Variants in FER observed in about 807,000 individuals in gnomAD.
The protein encoded by FER is FER tyrosine kinase.
Under a neutral mutation model 111.0 loss-of-function variants are expected in FER, and 63 were observed. That is an observed-to-expected ratio of 0.57 (90% CI 0.46 to 0.70). The LOEUF (loss-of-function observed/expected upper bound fraction) is 0.70, where lower values mean the gene tolerates loss of function less well. Among genes scored for constraint, FER ranks in the 30% least tolerant of loss-of-function variants. The pLI is 0.00. For missense variants in FER, 914 were observed against 954.0 expected (o/e 0.96, Z 0.55); for synonymous variants, 327 against 313.9 (o/e 1.04, Z -0.44).
At chr5:109,063,160 A>G (rs1774646378) in intron 16 of FER, among the ~76,000 whole-genome samples, 1 of 152,176 alleles carries the variant, frequency 6.6e-6, no homozygotes, top group African/African-American at 2.4e-5. Context: ...AATTGTCAAA[A>G]TTCGTTTTCT....
intron 3 of FER, among the ~76,000 whole-genome samples, chr5:108,810,281 C>T (rs1757618966): frequency 6.6e-6 from 1 of 152,112 alleles, no homozygotes; most frequent in African/African-American, 2.4e-5. Flanking sequence ...GTGGCTGTGG[C>T]TAACACAGCT....
rs542922936 is a variant in FER, at chr5:108,971,307, A to G, written c.1656+11960A>G. ...AAAAAAAAAAAAAAACCCAGAAAGA[A>G]AGAAAGAAATTCTCAGTACTGGAGA... On this transcript the variant is annotated intron_variant, in intron 13 of 19. Transcript: ENST00000281092. 7.9e-5 allele frequency among the ~76,000 whole-genome samples: 12 copies of G among 151,102 alleles called. No individual in the cohort carries two copies. The South Asian group carries it at 2.5e-3, about 31-fold the overall frequency.
chr5:108,894,358 G>A, intron 9 of FER: 1 of 991,746 alleles, frequency 1.0e-6, no homozygotes, highest in Non-Finnish European at 1.3e-6. Flanking sequence ...TGTTTCTGCT[G>A]CAAGGGTTCC....
intron 5 of FER, among the ~76,000 whole-genome samples, chr5:108,856,354 A>AT (rs1763009194): frequency 6.6e-6 from 1 of 151,954 alleles, no homozygotes; most frequent in African/African-American, 2.4e-5. Context: ...CTCATTATTC[A>AT]TTTTTTTCCT....
At chr5:109,134,370 TTATC>T (rs1395464981) in intron 17 of FER, among the ~76,000 whole-genome samples, 1 of 152,156 alleles carries the variant, frequency 6.6e-6, no homozygotes, top group Non-Finnish European at 1.5e-5. Context: ...TTTACAGTAT[TTATC>T]AAAATTAAAA....
chr5:108,799,831 G>GTTTTC (rs936931331), intron 3 of FER, among the ~76,000 whole-genome samples: 1 of 146,198 alleles, frequency 6.8e-6, no homozygotes, highest in African/African-American at 2.5e-5. Flanking sequence ...TATCCCTCTT[G>GTTTTC]TTTTCTTTTC....
At chr5:108,916,605 A>C (rs191026127) in intron 10 of FER, among the ~76,000 whole-genome samples, 1 of 152,124 alleles carries the variant, frequency 6.6e-6, no homozygotes, top group Non-Finnish European at 1.5e-5. Flanking sequence ...TCACAGTATT[A>C]TATAATTATT....
intron 2 of FER, among the ~76,000 whole-genome samples, chr5:108,796,665 A>G (rs899849077): frequency 1.3e-5 from 2 of 152,048 alleles, no homozygotes; most frequent in African/African-American, 2.4e-5. Context: ...CCGTAGGCCC[A>G]CAGGAAGTAC....
chr5:108,895,435 C>A (rs897897393), intron 9 of FER, among the ~76,000 whole-genome samples: 13 of 152,122 alleles, frequency 8.5e-5, no homozygotes, highest in Non-Finnish European at 1.3e-4. Context: ...TATGGTATTC[C>A]TAGGGCTAGT....
At chr5:108,821,424 G>A (rs1265056809) in intron 3 of FER, among the ~76,000 whole-genome samples, 1 of 152,022 alleles carries the variant, frequency 6.6e-6, no homozygotes, top group Non-Finnish European at 1.5e-5. Flanking sequence ...ATTACAATGA[G>A]TTATACCGTT....
chr5:109,077,029 T>C (rs928646344), intron 16 of FER, among the ~76,000 whole-genome samples: 2 of 152,238 alleles, frequency 1.3e-5, no homozygotes, highest in African/African-American at 4.8e-5. Context: ...TCACATCTCT[T>C]ACACTTGTCT....
At chr5:109,173,521 T>C (rs545698076) in intron 17 of FER, among the ~76,000 whole-genome samples, 87 of 152,336 alleles carry the variant, frequency 5.7e-4, no homozygotes, top group African/African-American at 1.9e-3. Flanking sequence ...TGCATTGTTG[T>C]CCCCACCCAG....
chr5:108,918,205 A>G (rs968873222), intron 10 of FER, among the ~76,000 whole-genome samples: 3 of 152,180 alleles, frequency 2.0e-5, no homozygotes, highest in Non-Finnish European at 4.4e-5. Context: ...TTGCAGGGGA[A>G]GCAAAGCTTT....
chr5:108,975,914 C>A (rs1039958872), intron 13 of FER, among the ~76,000 whole-genome samples: 1 of 151,930 alleles, frequency 6.6e-6, no homozygotes, highest in Non-Finnish European at 1.5e-5. Flanking sequence ...CTATAGGAAG[C>A]CAGGTTAAGG....
intron 17 of FER, among the ~76,000 whole-genome samples, chr5:109,171,869 C>A (rs1757124903): frequency 6.6e-6 from 1 of 152,082 alleles, no homozygotes; most frequent in Non-Finnish European, 1.5e-5. Flanking sequence ...TTAAATTACC[C>A]AGTAAAATTT....
intron 13 of FER, among the ~76,000 whole-genome samples, chr5:108,989,499 A>T (rs1762929245): frequency 6.6e-6 from 1 of 152,030 alleles, no homozygotes; most frequent in Non-Finnish European, 1.5e-5. Flanking sequence ...TGGCCTGTTT[A>T]TGAGCTTCCT....
chr5:109,073,392 C>T (rs960203068), intron 16 of FER, among the ~76,000 whole-genome samples: 6 of 152,056 alleles, frequency 3.9e-5, no homozygotes, highest in Admixed American at 3.3e-4. Flanking sequence ...CCTCATGGCT[C>T]GTGCCATATA....
chr5:108,953,115 A>G, intron 11 of FER, among the ~76,000 whole-genome samples: 1 of 152,122 alleles, frequency 6.6e-6, no homozygotes, highest in South Asian at 2.1e-4. Context: ...GATTATAAAA[A>G]TAGAAAACAT....
intron 17 of FER, among the ~76,000 whole-genome samples, chr5:109,140,504 A>T (rs1480796588): frequency 6.6e-6 from 1 of 152,214 alleles, no homozygotes; most frequent in African/African-American, 2.4e-5. Flanking sequence ...GGAAAGACCT[A>T]TGTAGCTAGA....
Sources: allele counts gnomAD v4.1 joint callset (sites outside exome capture counted in the v4.1 genomes callset), GRCh38; gene constraint gnomAD v4.1.1; transcripts MANE v1.5; gene names NCBI Gene and HGNC (gene_info 2026-07-23, HGNC 2026-07-21).